The following ZFP14 variants were observed in gnomAD, a reference collection of about 807,000 sequenced individuals.
The protein encoded by ZFP14 is zinc finger protein 14 homolog.
ZFP14 carries 22 observed loss-of-function variants against 54.5 expected under a neutral mutation model. The ratio of observed to expected loss-of-function variants is 0.40; its 90% CI spans 0.29 to 0.58. The LOEUF (loss-of-function observed/expected upper bound fraction) is 0.58, where lower values mean the gene tolerates loss of function less well. Ranked by LOEUF, ZFP14 falls within the 20% of genes least tolerant of loss-of-function variation. The pLI is 0.39. For missense variants in ZFP14, 470 were observed against 637.8 expected (o/e 0.74, Z 2.83); for synonymous variants, 159 against 204.0 (o/e 0.78, Z 1.88).
At chr19:36,362,040 A>G in intron 3 of ZFP14, 72 bp downstream of exon 3, 1 of 1,501,984 alleles carries the variant, frequency 6.7e-7, no homozygotes. Flanking sequence ...GTAGTTTTAG[A>G]GAGTTTTTCT....
At chr19:36,369,927 C>A (rs936253576) in intron 1 of ZFP14, among the ~76,000 whole-genome samples, 1 of 152,088 alleles carries the variant, frequency 6.6e-6, no homozygotes, top group Admixed American at 6.6e-5. Flanking sequence ...CTCGACCTCC[C>A]GGGCTCAAGC....
intron 4 of ZFP14, among the ~76,000 whole-genome samples, chr19:36,349,946 C>G (rs1286223764): frequency 9.4e-6 from 1 of 106,792 alleles, no homozygotes; most frequent in Non-Finnish European, 2.1e-5. Context: ...TGAACTCAAA[C>G]TCCACAAGTT....
chr19:36,348,906 CTG>C lies in ZFP14; in HGVS notation c.236-7318_236-7317del, dbSNP rs1279847214. ...TATTTTTTTTATCAATGCTCTGACT[CTG>C]TATCTCAGTGGAAAATTCTATTCAA... On this transcript the variant is annotated intron_variant, in intron 4 of 4. Transcript: ENST00000270001. Among the ~76,000 whole-genome samples the C allele has an allele frequency of 3.3e-5, 5 of 152,150 alleles. No homozygotes were observed. The East Asian group carries it at 9.7e-4, about 29-fold the overall frequency.
At chr19:36,371,001 A>G (rs1212666389) in intron 1 of ZFP14, among the ~76,000 whole-genome samples, 2 of 152,208 alleles carry the variant, frequency 1.3e-5, no homozygotes, top group Admixed American at 1.3e-4. Context: ...AGTGGCTCAC[A>G]CTTGTAATCC....
At chr19:36,366,812 T>G (rs968906873) in intron 2 of ZFP14, among the ~76,000 whole-genome samples, 1 of 152,164 alleles carries the variant, frequency 6.6e-6, no homozygotes, top group African/African-American at 2.4e-5. Context: ...GTATATTTTT[T>G]TGTATATATG....
chr19:36,354,370 CAAA>C (rs58651628), intron 4 of ZFP14, among the ~76,000 whole-genome samples: 3 of 99,014 alleles, frequency 3.0e-5, no homozygotes, highest in Admixed American at 1.1e-4. Flanking sequence ...GATTCCATCT[CAAA>C]AAAAAAAAAA....
chr19:36,373,975 A>C (rs1246930378), intron 1 of ZFP14, among the ~76,000 whole-genome samples: 2 of 152,096 alleles, frequency 1.3e-5, no homozygotes, highest in African/African-American at 2.4e-5. Context: ...GAAAAAAGAA[A>C]AGAAAAAAAT....
At chr19:36,372,965 T>C (rs1217213146) in intron 1 of ZFP14, among the ~76,000 whole-genome samples, 1 of 152,190 alleles carries the variant, frequency 6.6e-6, no homozygotes, top group South Asian at 2.1e-4. Flanking sequence ...CGTGATCTCA[T>C]TCATAAGTGG....
chr19:36,363,038 A>G (rs2031733409), intron 2 of ZFP14, among the ~76,000 whole-genome samples: 1 of 152,104 alleles, frequency 6.6e-6, no homozygotes, highest in Non-Finnish European at 1.5e-5. Context: ...TACAATATCT[A>G]ATCTTTATGG....
At chr19:36,367,856 C>T (rs573328652) in intron 2 of ZFP14, 28 bp downstream of exon 2, 8 of 1,607,394 alleles carry the variant, frequency 5.0e-6, no homozygotes, top group East Asian at 4.5e-5. Flanking sequence ...GACAGTATTT[C>T]GAAAAGGACA....
chr19:36,340,536 T>C lies in ZFP14; in HGVS notation c.1290A>G (p.Gly430=). 6.2e-7 allele frequency: 1 copy of C among 1,614,146 alleles called. No homozygotes were observed. The highest frequency in any genetic ancestry group is 1.1e-5 in the South Asian group (1 of 91,072). Residue 430 remains glycine (G), a synonymous_variant, in exon 5 of 5, where the codon GGA becomes GGG. Coordinates refer to ENST00000270001, the MANE Select transcript of ZFP14 (RefSeq NM_020917.3). This position sits in a 1 kb window ranked among gnomAD's most constrained non-coding sequence, Gnocchi z 5.4. The part of the protein sequence containing the change: ...GERPYECEEC[G]KAFRLLSQLT... Reference sequence around the variant, plus strand: ...GTTGTGAGAGCAGTCTAAAGGCCTTTCCACACTCTTCACATTCATAGGGTC... The same window carrying C: ...GTTGTGAGAGCAGTCTAAAGGCCTTCCCACACTCTTCACATTCATAGGGTC...
At chr19:36,367,484 G>A (rs965525295) in intron 2 of ZFP14, among the ~76,000 whole-genome samples, 6 of 152,148 alleles carry the variant, frequency 3.9e-5, no homozygotes, top group African/African-American at 1.4e-4. Flanking sequence ...AACTGGAGTA[G>A]GTTCTTTTTT....
At chr19:36,371,850 T>C (rs1292736003) in intron 1 of ZFP14, among the ~76,000 whole-genome samples, 1 of 151,872 alleles carries the variant, frequency 6.6e-6, no homozygotes, top group Non-Finnish European at 1.5e-5. Context: ...TCCAGCTACA[T>C]GGGCGGCTGA....
chr19:36,371,395 A>T (rs923866704), intron 1 of ZFP14, among the ~76,000 whole-genome samples: 5 of 152,214 alleles, frequency 3.3e-5, no homozygotes, highest in African/African-American at 9.6e-5. Flanking sequence ...AATAATTTTT[A>T]AAATCAAACA....
In ZFP14 at chr19:36,375,384, A is replaced by AT. The variant is rs747537579; in HGVS notation, c.-80+3778dup. ...AGATTGCTGAATAAAGCAGGAAGGA[A>AT]TTTTTTTTTTTTTTTTTTTTTGAGA... On this transcript the variant is annotated intron_variant, in intron 1 of 4. Transcript: ENST00000270001. 6.3e-3 allele frequency among the ~76,000 whole-genome samples: 811 copies of AT among 128,728 alleles called. 2 individuals carry two copies. Among genetic ancestry groups the AT allele is most frequent in the Middle Eastern group, 0.016 (4 of 252 alleles). 84.5% of individuals were successfully genotyped at this position (128,728 alleles called of 152,430 possible).
chr19:36,350,428 C>T (rs2031505407), intron 4 of ZFP14, among the ~76,000 whole-genome samples: 1 of 139,564 alleles, frequency 7.2e-6, no homozygotes. Context: ...TAGGGAGACC[C>T]CCATCTCTAA....
At chr19:36,347,174 C>G (rs1282117278) in intron 4 of ZFP14, among the ~76,000 whole-genome samples, 1 of 152,134 alleles carries the variant, frequency 6.6e-6, no homozygotes, top group Non-Finnish European at 1.5e-5. Context: ...CTACGGCAAG[C>G]TAACTTGTCA....
chr19:36,367,872 A>T lies in ZFP14; in HGVS notation c.9+12T>A. 6.2e-7 allele frequency: 1 copy of T among 1,611,490 alleles called. No individual in the cohort carries two copies. Among genetic ancestry groups the T allele is most frequent in the Non-Finnish European group, 8.5e-7 (1 of 1,178,904 alleles). On this transcript the variant is annotated intron_variant, in intron 2 of 4. Transcript: ENST00000270001. Reference sequence around the variant, plus strand: ...ACAGTATTTCGAAAAGGACAGAGAAACATTAACTTACATGGGCCATGGTTT... The same window carrying T: ...ACAGTATTTCGAAAAGGACAGAGAATCATTAACTTACATGGGCCATGGTTT...
intron 3 of ZFP14, 52 bp downstream of exon 3, chr19:36,362,060 C>T: frequency 6.5e-7 from 1 of 1,535,216 alleles, no homozygotes. Context: ...TAAATATAGT[C>T]CTGAAATTGA....
Sources: gnomAD v4.1 joint callset for allele counts (sites outside exome capture counted in the v4.1 genomes callset) on GRCh38, gnomAD v4.1.1 for gene constraint, Gnocchi (gnomAD v3.1) non-coding constraint, MANE v1.5 for transcripts, NCBI Gene and HGNC (gene_info 2026-07-23, HGNC 2026-07-21) for gene names.